The following NFATC2 variants were observed in gnomAD, a reference collection of about 807,000 sequenced individuals.
The protein encoded by NFATC2 is nuclear factor of activated T cells 2.
NFATC2 carries 22 observed loss-of-function variants against 87.3 expected under a neutral mutation model. That is an observed-to-expected ratio of 0.25 (90% confidence interval 0.18 to 0.36). NFATC2 has a LOEUF of 0.36. NFATC2 is among the 10% of genes least tolerant of loss of function. NFATC2 has a pLI of 1.00. For synonymous variants in NFATC2, 565 were observed against 542.2 expected (o/e 1.04, Z -0.58); for missense variants, 1,149 against 1,259.1 (o/e 0.91, Z 1.32).
At chr20:51,556,859 G>C (rs937339833) in intron 1 of NFATC2, among the ~76,000 whole-genome samples, 1 of 152,182 alleles carries the variant, frequency 6.6e-6, no homozygotes, top group Non-Finnish European at 1.5e-5. Context: ...CCCCGGATAG[G>C]TCCATTGTGA....
At chr20:51,391,561 G>C (rs1408655397) in intron 10 of NFATC2, 110 bp from the exon 11 acceptor site, 2 of 1,184,108 alleles carry the variant, frequency 1.7e-6, no homozygotes, top group Non-Finnish European at 2.4e-6. Flanking sequence ...ATTGATTTTT[G>C]AGACAAGGTC....
At chr20:51,491,854 C>G (rs2075890720) in intron 3 of NFATC2, among the ~76,000 whole-genome samples, 2 of 144,652 alleles carry the variant, frequency 1.4e-5, no homozygotes, top group Non-Finnish European at 3.0e-5. Context: ...ACAGCCCCAC[C>G]CCCACCAACA....
chr20:51,522,309 C>A (rs547486439), intron 2 of NFATC2, among the ~76,000 whole-genome samples: 123 of 152,184 alleles, frequency 8.1e-4, no homozygotes, highest in African/African-American at 2.5e-3. Context: ...GGGGGAAGCT[C>A]TTGATTGATT....
upstream of NFATC2, among the ~76,000 whole-genome samples, chr20:51,545,242 T>G (rs1355859700): frequency 6.6e-6 from 1 of 152,218 alleles, no homozygotes; most frequent in Non-Finnish European, 1.5e-5. Context: ...AATTATTAAG[T>G]GCCACTAAAT....
chr20:51,458,771 G>A (rs897252661), intron 5 of NFATC2, among the ~76,000 whole-genome samples: 2 of 152,116 alleles, frequency 1.3e-5, no homozygotes, highest in African/African-American at 2.4e-5. Flanking sequence ...CAGAGATCAC[G>A]CCCCTGCACT....
At position 51,391,234 on chromosome 20, in the gene NFATC2, G is replaced by T; in HGVS notation, c.*262C>A. 1.3e-6 allele frequency: 1 copy of T among 758,008 alleles called. No homozygotes were observed. Among genetic ancestry groups the T allele is most frequent in the Middle Eastern group, 3.2e-4 (1 of 3,168 alleles). 47.0% of individuals were successfully genotyped at this position (758,008 alleles called of 1,614,324 possible). A position where few individuals can be genotyped will look rare whatever the true frequency, so the allele number is the denominator to read the frequency against. The stretch of plus-strand genomic sequence containing the variant: ...AAGAGTTCTCTCTGGTGTTTAGAGG[G>T]AGGTGGCGAGCTCCTTAAGTGAGAG... On this transcript the variant is annotated 3_prime_UTR_variant, in exon 11 of 11. Transcript: ENST00000371564.
At chr20:51,506,612 A>T (rs889115538) in intron 3 of NFATC2, among the ~76,000 whole-genome samples, 1 of 151,970 alleles carries the variant, frequency 6.6e-6, no homozygotes, top group African/African-American at 2.4e-5. Context: ...AAAATGCTCA[A>T]TGTTCAATAA....
intron 1 of NFATC2, among the ~76,000 whole-genome samples, chr20:51,556,180 G>C (rs1267033341): frequency 6.6e-6 from 1 of 152,190 alleles, no homozygotes; most frequent in Non-Finnish European, 1.5e-5. Flanking sequence ...AGACAAAGAA[G>C]GGTTTCCTCC....
intron 5 of NFATC2, among the ~76,000 whole-genome samples, chr20:51,470,018 C>A (rs1417207497): frequency 1.3e-5 from 2 of 152,202 alleles, no homozygotes; most frequent in African/African-American, 2.4e-5. Flanking sequence ...CTGACAACAC[C>A]GAGGAGGCTG....
At chr20:51,475,951 A>G (rs1200930033) in intron 3 of NFATC2, among the ~76,000 whole-genome samples, 1 of 152,204 alleles carries the variant, frequency 6.6e-6, no homozygotes, top group East Asian at 1.9e-4. Flanking sequence ...TTGATGACTG[A>G]GGGTGGAAGG....
intron 9 of NFATC2, among the ~76,000 whole-genome samples, chr20:51,416,083 G>A (rs532398850): frequency 1.8e-4 from 27 of 152,212 alleles, no homozygotes; most frequent in South Asian, 8.3e-4. Flanking sequence ...CCAACAAAGC[G>A]AGACCCCGTC....
chr20:51,482,420 G>A (rs769713629), intron 3 of NFATC2, among the ~76,000 whole-genome samples: 4 of 151,846 alleles, frequency 2.6e-5, no homozygotes, highest in Non-Finnish European at 5.9e-5. Context: ...GGAAAAAATA[G>A]ACAAGATAAA....
chr20:51,456,712 A>G (rs1458974582), intron 5 of NFATC2, among the ~76,000 whole-genome samples: 5 of 152,286 alleles, frequency 3.3e-5, no homozygotes, highest in African/African-American at 9.6e-5. Context: ...AGCCCCTTCC[A>G]TGGCAGGAGC....
intron 9 of NFATC2, among the ~76,000 whole-genome samples, chr20:51,423,865 G>A (rs1981344455): frequency 6.6e-6 from 1 of 152,196 alleles, no homozygotes; most frequent in Non-Finnish European, 1.5e-5. Flanking sequence ...ACCTCCAAAT[G>A]CAAGTGCACA....
At chr20:51,502,013 A>T (rs949533170) in intron 3 of NFATC2, among the ~76,000 whole-genome samples, 4 of 152,218 alleles carry the variant, frequency 2.6e-5, no homozygotes, top group Admixed American at 1.3e-4. Flanking sequence ...TTTGGCTGGC[A>T]TAGTTTGACG....
chr20:51,470,715 G>GCGCGTGTTA (rs1469572538), intron 5 of NFATC2, among the ~76,000 whole-genome samples: 2 of 152,210 alleles, frequency 1.3e-5, no homozygotes, highest in East Asian at 3.8e-4. Context: ...TACTCTGCCA[G>GCGCGTGTTA]CGCGTGTTAC....
intron 9 of NFATC2, among the ~76,000 whole-genome samples, chr20:51,429,942 C>T (rs6067773): frequency 0.18 from 26,854 of 151,572 alleles, 3,160 homozygotes; most frequent in East Asian, 0.36. Context: ...TTTGAACCTG[C>T]CTGCGTTGAG....
At chr20:51,542,332 C>G in intron 1 of NFATC2, 38 bp downstream of exon 1, 1 of 1,586,270 alleles carries the variant, frequency 6.3e-7, no homozygotes, top group Non-Finnish European at 8.6e-7. Context: ...GAGCCCCTGG[C>G]GGGCTCAGGG....
At chr20:51,448,488 CA>C (rs922172143) in intron 6 of NFATC2, among the ~76,000 whole-genome samples, 1 of 152,120 alleles carries the variant, frequency 6.6e-6, no homozygotes, top group Non-Finnish European at 1.5e-5. Context: ...AAACAAACTA[CA>C]AAAAATTAGC....
Sources: allele counts gnomAD v4.1 joint callset (sites outside exome capture counted in the v4.1 genomes callset), GRCh38; gene constraint gnomAD v4.1.1; transcripts MANE v1.5; gene names NCBI Gene and HGNC (gene_info 2026-07-23, HGNC 2026-07-21).